Variants in CCDC88A observed in about 807,000 individuals in gnomAD.
CCDC88A encodes coiled-coil and HOOK domain protein 88A, also known as girdin.
A neutral mutation model predicts 234.3 loss-of-function variants in CCDC88A; 54 were observed. That is an observed-to-expected ratio of 0.23 (90% CI 0.19 to 0.29). The LOEUF (loss-of-function observed/expected upper bound fraction) is 0.29, where lower values mean the gene tolerates loss of function less well. CCDC88A is among the 10% of genes least tolerant of loss of function. CCDC88A has a pLI of 1.00. For synonymous variants in CCDC88A, 753 were observed against 737.8 expected (o/e 1.02, Z -0.33); for missense variants, 1,832 against 2,123.4 (o/e 0.86, Z 2.70).
At chr2:55,339,314 T>C (rs575724630) in intron 13 of CCDC88A, 150 bp downstream of exon 13, 1 of 761,848 alleles carries the variant, frequency 1.3e-6, no homozygotes, top group South Asian at 2.0e-5. Context: ...ATAGGGTTCA[T>C]TCACACCATA....
At chr2:55,375,756 G>C (rs1673574446) in intron 3 of CCDC88A, among the ~76,000 whole-genome samples, 1 of 151,784 alleles carries the variant, frequency 6.6e-6, no homozygotes, top group Non-Finnish European at 1.5e-5. Flanking sequence ...ATGAACTCCT[G>C]ACCTCAAGTG....
chr2:55,418,639 G>A, intron 2 of CCDC88A, 177 bp downstream of exon 2: 1 of 601,006 alleles, frequency 1.7e-6, no homozygotes, highest in Non-Finnish European at 3.0e-6. Flanking sequence ...AAAATATCTA[G>A]GTTGTGATAA....
At chr2:55,313,824 A>AGATCTGTAACT (rs1413955167) in intron 22 of CCDC88A, 1 of 152,200 alleles carries the variant, frequency 6.6e-6, no homozygotes, top group Non-Finnish European at 1.5e-5. Flanking sequence ...ACAACCATCT[A>AGATCTGTAACT]GATCTGTAAC....
Position 55,387,701 on chromosome 2 carries a change from G to T in CCDC88A, c.273+1077C>A, listed in dbSNP as rs1439879159. Among the ~76,000 whole-genome samples the T allele has an allele frequency of 1.1e-4, 16 of 143,306 alleles. No individual in the cohort carries two copies. The South Asian group carries it at 3.5e-3, about 31-fold the overall frequency. 94.0% of individuals were successfully genotyped at this position (143,306 alleles called of 152,430 possible). On this transcript the variant is annotated intron_variant, in intron 3 of 32. Coordinates refer to ENST00000436346, the MANE Select transcript of CCDC88A (RefSeq NM_001365480.1). The stretch of plus-strand genomic sequence containing the variant: ...GGAGTCTGAGGCAGGAGAATCGCTT[G>T]AACCCAGGAGGCAGAGGTTGCAGTG...
At chr2:55,315,720 T>G (rs1338563211) in intron 22 of CCDC88A, among the ~76,000 whole-genome samples, 2 of 152,220 alleles carry the variant, frequency 1.3e-5, no homozygotes, top group African/African-American at 4.8e-5. Context: ...GGACATAAGT[T>G]TAAGCTAATA....
intron 25 of CCDC88A, among the ~76,000 whole-genome samples, chr2:55,305,357 G>A (rs1017440905): frequency 1.3e-5 from 2 of 152,176 alleles, no homozygotes; most frequent in African/African-American, 2.4e-5. Flanking sequence ...ATTAGTATTT[G>A]TTGGGTTTGG....
intron 2 of CCDC88A, among the ~76,000 whole-genome samples, chr2:55,396,730 C>T (rs1677647257): frequency 1.3e-5 from 2 of 151,628 alleles, no homozygotes; most frequent in South Asian, 4.2e-4. Flanking sequence ...ATTAGCCAGG[C>T]GTGGTGGCAG....
chr2:55,339,966 G>C (rs1331370772), intron 12 of CCDC88A: 1 of 190,470 alleles, frequency 5.3e-6, no homozygotes, highest in East Asian at 1.2e-4. Flanking sequence ...CAAGCGGCCG[G>C]GACTGCAGGT....
intron 7 of CCDC88A, among the ~76,000 whole-genome samples, chr2:55,359,482 C>T (rs1671003521): frequency 6.6e-6 from 1 of 151,756 alleles, no homozygotes; most frequent in South Asian, 2.1e-4. Flanking sequence ...GAGTTCAAGG[C>T]TTCCTATACA....
intron 9 of CCDC88A, chr2:55,348,374 A>G (rs1475092061): frequency 6.5e-6 from 1 of 153,304 alleles, no homozygotes; most frequent in Non-Finnish European, 1.4e-5. Context: ...CCCGGGTTCA[A>G]GCGATTCTCC....
chr2:55,396,713 AC>A (rs1259900890), intron 2 of CCDC88A, among the ~76,000 whole-genome samples: 1 of 151,840 alleles, frequency 6.6e-6, no homozygotes, highest in Admixed American at 6.6e-5. Flanking sequence ...TACTAAAAAT[AC>A]AAAAAATTAG....
intron 3 of CCDC88A, among the ~76,000 whole-genome samples, chr2:55,376,535 A>G (rs1206630638): frequency 6.6e-6 from 1 of 152,164 alleles, no homozygotes; most frequent in African/African-American, 2.4e-5. Context: ...TCTCTTATCT[A>G]TAATTCTTTA....
rs780823027 is a variant in CCDC88A, at chr2:55,355,554, T to C, written c.800+25A>G. 7 of 1,607,338 alleles carry C rather than the reference T, an allele frequency of 4.4e-6. No homozygotes were observed. The Admixed American group carries it at 5.0e-5, about 11-fold the overall frequency. On this transcript the variant is annotated intron_variant, in intron 8 of 32. Transcript: ENST00000436346. ...CACCTTTGGGACCATATAAATTCAATGAACCTCAAAAATCAGCAACTTACA... is the reference window on the plus strand; with the variant it reads ...CACCTTTGGGACCATATAAATTCAACGAACCTCAAAAATCAGCAACTTACA...
intron 4 of CCDC88A, among the ~76,000 whole-genome samples, chr2:55,374,356 G>A (rs969838741): frequency 6.6e-6 from 1 of 151,954 alleles, no homozygotes; most frequent in African/African-American, 2.4e-5. Context: ...CAACAAGAGC[G>A]AAACTGCATC....
rs927902462 is a variant in CCDC88A at position 55,367,157 on chromosome 2, C to T, written c.403-3124G>A. ...AAGTGAAATAAGCCCATCAAAAGGA[C>T]AAATACTGTATGATTCCATTTATAT... is the stretch of plus-strand genomic sequence containing the variant. On this transcript the variant is annotated intron_variant, in intron 5 of 32. Coordinates refer to ENST00000436346, the MANE Select transcript of CCDC88A (RefSeq NM_001365480.1). 8.5e-5 allele frequency among the ~76,000 whole-genome samples: 13 copies of T among 152,126 alleles called. No individual in the cohort carries two copies. The East Asian group carries it at 2.3e-3, about 27-fold the overall frequency.
At position 55,300,883 on chromosome 2, in the gene CCDC88A, A is replaced by G. The variant is rs142431686; in HGVS notation, c.4744+323T>C. On this transcript the variant is annotated intron_variant, in intron 28 of 32. Coordinates refer to ENST00000436346, the MANE Select transcript of CCDC88A (RefSeq NM_001365480.1). ...TATTTTAAACTAATATGTATTTTAA[A>G]TTGGCATTTTAAACCAATGGTAAAA... 73 of 214,520 alleles carry G rather than the reference A, an allele frequency of 3.4e-4. 1 individual carries two copies. The East Asian group carries it at 8.4e-3, about 25-fold the overall frequency. The allele number at this position is 214,520 out of a possible 1,614,324, so 13.3% of individuals were successfully genotyped here. A position where few individuals can be genotyped will look rare whatever the true frequency, so the allele number is the denominator to read the frequency against.
intron 2 of CCDC88A, among the ~76,000 whole-genome samples, chr2:55,414,879 C>A (rs900311532): frequency 6.6e-6 from 1 of 151,700 alleles, no homozygotes; most frequent in East Asian, 1.9e-4. Flanking sequence ...TCCTGGCTAA[C>A]ACGGTGAAAC....
intron 16 of CCDC88A, chr2:55,329,678 A>G (rs1684687616): frequency 6.6e-6 from 1 of 152,234 alleles, no homozygotes; most frequent in Non-Finnish European, 1.5e-5. Flanking sequence ...CCTGTAAACA[A>G]CCATATTGAA....
In CCDC88A at chr2:55,317,134, CAT is replaced by C. The variant is rs897466844; in HGVS notation, c.3746+70_3746+71del. ...GAAATAATACATAATTTTGAAAAAA[CAT>C]ATATATACACATATATATGTATATA... On this transcript the variant is annotated intron_variant, in intron 21 of 32. Coordinates refer to ENST00000436346, the MANE Select transcript of CCDC88A (RefSeq NM_001365480.1). The surrounding 1 kb of genome is among the most constrained non-coding windows in gnomAD (Gnocchi z 4.2). 3.5e-6 allele frequency: 2 copies of C among 578,068 alleles called. No individual in the cohort carries two copies. Among genetic ancestry groups the C allele is most frequent in the Non-Finnish European group, 5.1e-6 (2 of 393,164 alleles). The allele number at this position is 578,068 out of a possible 1,614,324, so 35.8% of individuals were successfully genotyped here. A position where few individuals can be genotyped will look rare whatever the true frequency, so the allele number is the denominator to read the frequency against.
Sources: gnomAD v4.1 joint callset for allele counts (sites outside exome capture counted in the v4.1 genomes callset) on GRCh38, gnomAD v4.1.1 for gene constraint, Gnocchi (gnomAD v3.1) non-coding constraint, MANE v1.5 for transcripts, NCBI Gene and HGNC (gene_info 2026-07-23, HGNC 2026-07-21) for gene names.